Variants in GPAT3 observed in about 807,000 individuals in gnomAD.
GPAT3 encodes the protein glycerol-3-phosphate acyltransferase 3.
Under a neutral mutation model 58.8 loss-of-function variants are expected in GPAT3, and 53 were observed. The observed-to-expected ratio is 0.90, with a 90% CI of 0.72 to 1.13. The LOEUF (loss-of-function observed/expected upper bound fraction) is 1.13, where lower values mean the gene tolerates loss of function less well. GPAT3 is among the 50% of genes most tolerant of loss of function. GPAT3 has a pLI of 0.00. For synonymous variants in GPAT3, 197 were observed against 187.4 expected (o/e 1.05, Z -0.42); for missense variants, 511 against 527.6 (o/e 0.97, Z 0.31).
intron 2 of GPAT3, among the ~76,000 whole-genome samples, chr4:83,557,740 G>A (rs1724990896): frequency 6.6e-6 from 1 of 152,150 alleles, no homozygotes; most frequent in African/African-American, 2.4e-5. Flanking sequence ...GGGTTCTCAC[G>A]CTGTGTACCA....
chr4:83,544,160 C>T (rs950152582), intron 1 of GPAT3, among the ~76,000 whole-genome samples: 9 of 152,274 alleles, frequency 5.9e-5, no homozygotes, highest in African/African-American at 2.2e-4. Flanking sequence ...CCTTGTTTTA[C>T]AATGAGGAAA....
intron 11 of GPAT3, among the ~76,000 whole-genome samples, chr4:83,601,043 G>A (rs1044240277): frequency 1.3e-5 from 2 of 152,206 alleles, no homozygotes; most frequent in African/African-American, 4.8e-5. Context: ...GCAGAGGATG[G>A]TTTAAGGTGT....
At chr4:83,545,840 T>G (rs1451517787) in intron 2 of GPAT3, among the ~76,000 whole-genome samples, 3 of 152,272 alleles carry the variant, frequency 2.0e-5, no homozygotes, top group Non-Finnish European at 2.9e-5. Flanking sequence ...TTGTTGCTGG[T>G]TTTCTGTTGT....
chr4:83,571,831 G>T (rs1725622293), intron 2 of GPAT3, among the ~76,000 whole-genome samples: 2 of 151,798 alleles, frequency 1.3e-5, no homozygotes, highest in Admixed American at 6.6e-5. Flanking sequence ...GGAGTGCAGT[G>T]GTGCCATCTC....
intron 3 of GPAT3, among the ~76,000 whole-genome samples, chr4:83,585,835 C>T (rs2110101309): frequency 6.6e-6 from 1 of 152,310 alleles, no homozygotes; most frequent in Admixed American, 6.5e-5. Flanking sequence ...GATCCACTCG[C>T]CTGGGCCTCC....
At chr4:83,601,937 G>A (rs185283023) in intron 11 of GPAT3, among the ~76,000 whole-genome samples, 57 of 152,288 alleles carry the variant, frequency 3.7e-4, no homozygotes, top group African/African-American at 1.4e-3. Flanking sequence ...TGTATGACTT[G>A]AGTTCCATAC....
chr4:83,544,091 C>T (rs1285196357), intron 1 of GPAT3, among the ~76,000 whole-genome samples: 1 of 152,160 alleles, frequency 6.6e-6, no homozygotes, highest in Non-Finnish European at 1.5e-5. Flanking sequence ...TACGTTTAGG[C>T]CCTTACATGT....
intron 2 of GPAT3, 80 bp downstream of exon 2, chr4:83,544,682 T>C (rs1724441499): frequency 6.8e-6 from 9 of 1,326,604 alleles, no homozygotes; most frequent in Non-Finnish European, 8.7e-6. Flanking sequence ...ACTTGAAATA[T>C]GCAGAGAGCA....
chr4:83,578,990 TTCCTTCCTTCCTTCCTTCC>T lies in GPAT3; in HGVS notation c.209-2570_209-2552del, dbSNP rs1560620777. ...TTTCTTTCTTTCTTTCTTTCTTTCC[TTCCTTCCTTCCTTCCTTCC>T]TTCTTTCCCTTTCTTTCTTTCTTTC... On this transcript the variant is annotated intron_variant, in intron 2 of 11. Coordinates refer to ENST00000264409, the MANE Select transcript of GPAT3 (RefSeq NM_032717.5). Among the ~76,000 whole-genome samples the T allele has an allele frequency of 1.9e-3, 247 of 132,368 alleles. 11 individuals carry two copies. Among genetic ancestry groups the T allele is most frequent in the African/African-American group, 5.4e-3 (165 of 30,824 alleles). The allele number at this position is 132,368 out of a possible 152,430, so 86.8% of individuals were successfully genotyped here. A position where few individuals can be genotyped will look rare whatever the true frequency, so the allele number is the denominator to read the frequency against.
At chr4:83,600,074 A>G (rs909342081) in intron 11 of GPAT3, among the ~76,000 whole-genome samples, 13 of 152,120 alleles carry the variant, frequency 8.5e-5, no homozygotes, top group African/African-American at 3.1e-4. Flanking sequence ...GGAAAGCAAA[A>G]CCTTGGATAA....
chr4:83,587,190 G>T, intron 3 of GPAT3, 65 bp from the exon 4 acceptor site: 1 of 1,275,138 alleles, frequency 7.8e-7, no homozygotes, highest in South Asian at 1.3e-5. Context: ...TATTATTTAG[G>T]AACTTTTTGG....
chr4:83,589,103 T>C (rs772817725), intron 5 of GPAT3, among the ~76,000 whole-genome samples: 3 of 152,222 alleles, frequency 2.0e-5, no homozygotes, highest in African/African-American at 2.4e-5. Context: ...AATTGGACTA[T>C]GAGTTTTAAA....
chr4:83,581,840 A>G lies in GPAT3; in HGVS notation c.479+8A>G. ...TGTCCTACTGCCTCTGAGGTAAGTCATATGCCTGGTAATTTGATGATACGC... is the reference window on the plus strand; with the variant it reads ...TGTCCTACTGCCTCTGAGGTAAGTCGTATGCCTGGTAATTTGATGATACGC... On this transcript the variant is annotated splice_region_variant and intron_variant, in intron 3 of 11. Coordinates refer to ENST00000264409, the MANE Select transcript of GPAT3 (RefSeq NM_032717.5). 6.3e-7 allele frequency: 1 copy of G among 1,595,178 alleles called. No individual in the cohort carries two copies. Among genetic ancestry groups the G allele is most frequent in the East Asian group, 2.2e-5 (1 of 44,530 alleles).
intron 2 of GPAT3, among the ~76,000 whole-genome samples, chr4:83,565,379 G>A (rs554227445): frequency 3.5e-4 from 54 of 152,244 alleles, no homozygotes; most frequent in African/African-American, 1.3e-3. Flanking sequence ...GGGGTTACAG[G>A]TGTGAGCCAC....
In GPAT3 at chr4:83,581,724, G is replaced by A. The variant is rs778856012; in HGVS notation, c.371G>A (p.Trp124Ter). 21 of 1,614,062 alleles carry A rather than the reference G, an allele frequency of 1.3e-5. No individual in the cohort carries two copies. The highest frequency in any genetic ancestry group is 3.3e-5 in the South Asian group (3 of 91,086). Residue 124 changes from tryptophan to a stop codon, truncating the protein, a stop_gained, in exon 3 of 12, where the codon TGG (tryptophan) becomes TAG (stop). Coordinates refer to ENST00000264409, the MANE Select transcript of GPAT3 (RefSeq NM_032717.5). LOFTEE classifies it high-confidence loss of function. ...TTTTCCTCAGAGGAGCTAGTGTCAT[G>A]GAATCTCCTCACAAGAACCAATGTA... ...QRFSSEELVS[W>*]NLLTRTNVNF... is the part of the protein sequence containing the mutation.
intron 3 of GPAT3, among the ~76,000 whole-genome samples, chr4:83,582,347 C>T (rs1361925245): frequency 6.6e-6 from 1 of 152,232 alleles, no homozygotes; most frequent in Non-Finnish European, 1.5e-5. Flanking sequence ...TGATCACGGA[C>T]TGCTCTTATT....
Position 83,596,742 on chromosome 4 carries a change from CAATT to C in GPAT3, c.855-114_855-111del, listed in dbSNP as rs1463902146. ...AAATTTATTTCTTTTACCTGTATCT[CAATT>C]ATTTTCTCCTTATTGCTTCACAATT... On this transcript the variant is annotated intron_variant, in intron 7 of 11. Transcript: ENST00000264409. The C allele has an allele frequency of 3.0e-5, 23 of 776,572 alleles. No individual in the cohort carries two copies. The Admixed American group carries it at 6.2e-4, about 21-fold the overall frequency. 48.1% of individuals were successfully genotyped at this position (776,572 alleles called of 1,614,324 possible). A position where few individuals can be genotyped will look rare whatever the true frequency, so the allele number is the denominator to read the frequency against.
At chr4:83,556,507 A>C (rs569214327) in intron 2 of GPAT3, among the ~76,000 whole-genome samples, 32 of 152,042 alleles carry the variant, frequency 2.1e-4, no homozygotes, top group African/African-American at 7.2e-4. Flanking sequence ...CAAGAAAAAA[A>C]AAAAAGAAAA....
intron 2 of GPAT3, among the ~76,000 whole-genome samples, chr4:83,555,369 C>T (rs1724910085): frequency 6.6e-6 from 1 of 152,076 alleles, no homozygotes; most frequent in Non-Finnish European, 1.5e-5. Flanking sequence ...TATTGCTCCC[C>T]AAAGGGCAAT....
Sources: gnomAD v4.1 joint callset for allele counts (sites outside exome capture counted in the v4.1 genomes callset) on GRCh38, gnomAD v4.1.1 for gene constraint, MANE v1.5 for transcripts, NCBI Gene and HGNC (gene_info 2026-07-23, HGNC 2026-07-21) for gene names.